UTRN: variants seen among roughly 807,000 people sequenced by gnomAD.
UTRN encodes dystrophin-related protein 1.
A neutral mutation model predicts 463.9 loss-of-function variants in UTRN; 283 were observed. The observed-to-expected ratio is 0.61, with a 90% CI of 0.55 to 0.67. The LOEUF (loss-of-function observed/expected upper bound fraction) is 0.67. Ranked by LOEUF, UTRN falls within the 30% of genes least tolerant of loss-of-function variation. UTRN has a pLI of 0.00. For synonymous variants in UTRN, 1,442 were observed against 1,431.5 expected (o/e 1.01, Z -0.17); for missense variants, 3,922 against 4,084.3 (o/e 0.96, Z 1.08).
chr6:144,724,222 CTTTTTTTT>C (rs34507977), intron 53 of UTRN, among the ~76,000 whole-genome samples: 6 of 78,112 alleles, frequency 7.7e-5, no homozygotes, highest in Non-Finnish European at 1.1e-4. Flanking sequence ...AGATTCATAA[CTTTTTTTT>C]TTTTTTTTTT....
At chr6:144,653,200 A>G (rs937670757) in intron 51 of UTRN, among the ~76,000 whole-genome samples, 5 of 152,190 alleles carry the variant, frequency 3.3e-5, no homozygotes, top group African/African-American at 1.2e-4. Flanking sequence ...TTGTACCTGT[A>G]CATAACTACA....
intron 28 of UTRN, among the ~76,000 whole-genome samples, chr6:144,485,869 T>G (rs555403644): frequency 1.3e-5 from 2 of 152,334 alleles, no homozygotes; most frequent in Admixed American, 6.5e-5. Context: ...CAAGTTATTT[T>G]TACTCACTAA....
chr6:144,461,605 C>T lies in UTRN; in HGVS notation c.2853+263C>T, dbSNP rs2128561488. On this transcript the variant is annotated intron_variant, in intron 22 of 74. Coordinates refer to ENST00000367545, the MANE Select transcript of UTRN (RefSeq NM_007124.3). The stretch of plus-strand genomic sequence containing the variant: ...ATTCTCAACCTGTTCATAAAATCTG[C>T]TAAAATATCTTTATGAAATGAGGAC... 2.6e-5 allele frequency among the ~76,000 whole-genome samples: 4 copies of T among 152,304 alleles called. 1 individual carries two copies. The South Asian group carries it at 8.3e-4, about 32-fold the overall frequency.
rs1337702864 is a variant in UTRN at position 144,840,812 on chromosome 6, G to A, written c.10250G>A (p.Ser3417Asn). Residue 3417 changes from serine to asparagine, a missense_variant, in exon 73 of 75, where the codon AGC becomes AAC. Around this residue, in one of 3 missense-constraint regions of UTRN, gnomAD observed 1,309 missense variants for 1,452.6 expected, o/e 0.90. Coordinates refer to ENST00000367545, the MANE Select transcript of UTRN (RefSeq NM_007124.3). ...DLTEVMEQIH[S>N]TFPSCCPNVP... ...ACGGAGGTCATGGAGCAGATTCACA[G>A]CACGTTTCCATCTTGCTGCCGTGAG... 1.2e-6 allele frequency: 2 copies of A among 1,614,024 alleles called. No homozygotes were observed. Among genetic ancestry groups the A allele is most frequent in the Admixed American group, 3.3e-5 (2 of 60,020 alleles).
chr6:144,832,161 G>T (rs925822482), intron 69 of UTRN, among the ~76,000 whole-genome samples: 1 of 152,108 alleles, frequency 6.6e-6, no homozygotes, highest in Non-Finnish European at 1.5e-5. Context: ...TGTTCTATCT[G>T]CATTTAAAGA....
At chr6:144,509,356 A>G (rs945526550) in intron 34 of UTRN, among the ~76,000 whole-genome samples, 1 of 151,916 alleles carries the variant, frequency 6.6e-6, no homozygotes, top group Non-Finnish European at 1.5e-5. Flanking sequence ...TATTGATTTT[A>G]TATATTCAAT....
chr6:144,548,396 T>A (rs1395740726), intron 46 of UTRN, among the ~76,000 whole-genome samples: 1 of 152,224 alleles, frequency 6.6e-6, no homozygotes, highest in East Asian at 1.9e-4. Context: ...TTAATTTTTC[T>A]CAGTGTCAGT....
chr6:144,752,259 G>T (rs1021942991), intron 56 of UTRN, among the ~76,000 whole-genome samples: 1 of 151,844 alleles, frequency 6.6e-6, no homozygotes, highest in African/African-American at 2.4e-5. Flanking sequence ...TCACATAATG[G>T]CTAATAAAGG....
At chr6:144,600,586 A>G (rs1804143429) in intron 51 of UTRN, among the ~76,000 whole-genome samples, 1 of 152,256 alleles carries the variant, frequency 6.6e-6, no homozygotes, top group Non-Finnish European at 1.5e-5. Flanking sequence ...AGGAAGCTAC[A>G]GAAGAAAAGT....
At chr6:144,389,242 C>T (rs1174505828) in intron 2 of UTRN, among the ~76,000 whole-genome samples, 1 of 152,168 alleles carries the variant, frequency 6.6e-6, no homozygotes, top group African/African-American at 2.4e-5. Context: ...TGATTAGCCT[C>T]TCCGAAGGAG....
chr6:144,473,526 C>CT (rs1228019508), intron 23 of UTRN, among the ~76,000 whole-genome samples, 194 bp from the exon 24 acceptor site: 2 of 152,072 alleles, frequency 1.3e-5, no homozygotes, highest in Non-Finnish European at 2.9e-5. Context: ...CCTGTCATCT[C>CT]TTGAGGATTT....
Position 144,589,403 on chromosome 6 carries a change from T to C in UTRN, c.7479+12115T>C, listed in dbSNP as rs988634803. ...TTATCTTGTGTCCTTAAGAGATAGA[T>C]AGGAAAGAAATTTGTTTTGCAAGTC... is the stretch of plus-strand genomic sequence containing the variant. On this transcript the variant is annotated intron_variant, in intron 51 of 74. Transcript: ENST00000367545. Among the ~76,000 whole-genome samples, 16 of 152,190 alleles carry C rather than the reference T, an allele frequency of 1.1e-4. 1 individual carries two copies. Among genetic ancestry groups the C allele is most frequent in the African/African-American group, 3.9e-4 (16 of 41,456 alleles).
intron 51 of UTRN, among the ~76,000 whole-genome samples, chr6:144,657,708 C>T (rs185541317): frequency 6.6e-6 from 1 of 152,228 alleles, no homozygotes; most frequent in South Asian, 2.1e-4. Context: ...CTATGGTATT[C>T]CCTGTTGTTC....
chr6:144,846,810 G>A lies in UTRN; in HGVS notation c.10276G>A (p.Val3426Ile). 3.7e-6 allele frequency: 6 copies of A among 1,614,012 alleles called. No homozygotes were observed. Among genetic ancestry groups the A allele is most frequent in the Non-Finnish European group, 5.1e-6 (6 of 1,179,914 alleles). ...TCTTTTGTTTTCTCTTTCAGCAAATGTTCCCAGCAGGCCACAGGTAAGAGT... is the reference window on the plus strand; with the variant it reads ...TCTTTTGTTTTCTCTTTCAGCAAATATTCCCAGCAGGCCACAGGTAAGAGT... Reference protein sequence around the residue: ...HSTFPSCCPNVPSRPQAM With the variant: ...HSTFPSCCPNIPSRPQAM The change falls in exon 74 of 75, where the codon GTT becomes ATT. Residue 3426 changes from valine (V) to isoleucine (I), a missense_variant. Physicochemically the swap from Val to Ile is conservative, Grantham distance 29. Transcript: ENST00000367545.
intron 65 of UTRN, among the ~76,000 whole-genome samples, chr6:144,812,844 ATTAG>A (rs1049349413): frequency 4.9e-4 from 74 of 152,002 alleles, no homozygotes; most frequent in African/African-American, 1.7e-3. Flanking sequence ...ATTCATTTAT[ATTAG>A]TTGGTGGGGA....
intron 2 of UTRN, among the ~76,000 whole-genome samples, chr6:144,345,424 A>G (rs1009021222): frequency 2.0e-5 from 3 of 152,034 alleles, no homozygotes; most frequent in Admixed American, 6.6e-5. Context: ...CCTGTAATCC[A>G]AGCACTTTGG....
At chr6:144,596,310 C>G (rs1803636796) in intron 51 of UTRN, among the ~76,000 whole-genome samples, 1 of 152,098 alleles carries the variant, frequency 6.6e-6, no homozygotes, top group Admixed American at 6.5e-5. Flanking sequence ...TATGGTTTTT[C>G]CGAGTTTCAT....
At chr6:144,395,778 T>C (rs11965745) in intron 2 of UTRN, among the ~76,000 whole-genome samples, 9,466 of 152,210 alleles carry the variant, frequency 0.062, 1,005 homozygotes, top group African/African-American at 0.22. Flanking sequence ...CAGAAAGTCT[T>C]CAGGAGGTGT....
chr6:144,745,681 A>T (rs762898044), intron 54 of UTRN, among the ~76,000 whole-genome samples: 18 of 152,238 alleles, frequency 1.2e-4, no homozygotes, highest in Non-Finnish European at 2.5e-4. Flanking sequence ...ATGTTTTGTC[A>T]CAAGACAAAG....
Sources: gnomAD v4.1 joint callset for allele counts (sites outside exome capture counted in the v4.1 genomes callset) on GRCh38, gnomAD v4.1.1 for gene constraint, gnomAD v4.1.1 regional missense constraint, MANE v1.5 for transcripts, NCBI Gene and HGNC (gene_info 2026-07-23, HGNC 2026-07-21) for gene names.